Variants in ABI3BP observed in about 807,000 individuals in gnomAD.
The protein encoded by ABI3BP is ABI family member 3 binding protein, also known as target of Nesh-SH3.
Under a neutral mutation model 268.6 loss-of-function variants are expected in ABI3BP, and 216 were observed. That is an observed-to-expected ratio of 0.80 (90% confidence interval 0.72 to 0.90). ABI3BP has a LOEUF of 0.90. ABI3BP is among the 40% of genes least tolerant of loss of function. ABI3BP has a pLI of 0.00. For missense variants in ABI3BP, 2,090 were observed against 2,182.4 expected, an observed-to-expected ratio of 0.96 and a Z score of 0.84; for synonymous variants, 730 against 730.0, an observed-to-expected ratio of 1.00 and a Z score of 0.00.
At chr3:100,825,945 A>G in intron 34 of ABI3BP, 101 bp from the exon 35 acceptor site, 3 of 856,316 alleles carry the variant, frequency 3.5e-6, no homozygotes, top group Non-Finnish European at 5.6e-6. Flanking sequence ...CCTCTAGGAT[A>G]ATTAAACATT....
chr3:100,907,386 C>A (rs1207534912), intron 2 of ABI3BP, among the ~76,000 whole-genome samples: 1 of 152,110 alleles, frequency 6.6e-6, no homozygotes, highest in African/African-American at 2.4e-5. Flanking sequence ...CCCAGCTACT[C>A]AGGAGGCTGA....
At chr3:100,823,541 G>C in intron 36 of ABI3BP, 27 bp from the exon 37 acceptor site, 1 of 1,511,330 alleles carries the variant, frequency 6.6e-7, no homozygotes, top group Non-Finnish European at 8.8e-7. Context: ...GTAAATCAAA[G>C]AGATTTTTAA....
chr3:100,911,080 GT>G, intron 2 of ABI3BP: 1 of 264,260 alleles, frequency 3.8e-6, no homozygotes, highest in South Asian at 5.3e-5. Flanking sequence ...ATCAGTATCT[GT>G]TTTACATGGT....
intron 9 of ABI3BP, among the ~76,000 whole-genome samples, chr3:100,871,133 T>C (rs1259418177): frequency 2.6e-5 from 4 of 151,928 alleles, no homozygotes; most frequent in Non-Finnish European, 4.4e-5. Context: ...ATAATTATAA[T>C]ATTGTATATT....
chr3:100,884,176 G>A (rs1219077206), intron 6 of ABI3BP, among the ~76,000 whole-genome samples: 3 of 151,704 alleles, frequency 2.0e-5, no homozygotes, highest in Admixed American at 2.0e-4. Flanking sequence ...CCTTGTTAAT[G>A]CTTCTTTTCC....
At chr3:100,791,333 A>G (rs1403670470) in intron 55 of ABI3BP, among the ~76,000 whole-genome samples, 1 of 151,892 alleles carries the variant, frequency 6.6e-6, no homozygotes, top group African/African-American at 2.4e-5. Context: ...TTTTATCCTC[A>G]TTCTGAAATC....
chr3:100,831,521 T>C (rs891719442), intron 31 of ABI3BP, among the ~76,000 whole-genome samples: 2 of 152,114 alleles, frequency 1.3e-5, no homozygotes, highest in African/African-American at 2.4e-5. Flanking sequence ...TCTTCAGTTC[T>C]AAGAACAGAA....
chr3:100,761,082 T>C (rs1002830016), intron 63 of ABI3BP, among the ~76,000 whole-genome samples: 9 of 152,126 alleles, frequency 5.9e-5, no homozygotes, highest in African/African-American at 1.9e-4. Context: ...TTTATGTCCA[T>C]GTGTTCTCCT....
At chr3:100,887,252 T>C (rs1205298037) in intron 4 of ABI3BP, among the ~76,000 whole-genome samples, 1 of 152,046 alleles carries the variant, frequency 6.6e-6, no homozygotes, top group Non-Finnish European at 1.5e-5. Flanking sequence ...TACTACTATA[T>C]ACAGTAATGA....
chr3:100,922,396 C>A (rs1159156925), intron 2 of ABI3BP, among the ~76,000 whole-genome samples: 1 of 152,122 alleles, frequency 6.6e-6, no homozygotes, highest in African/African-American at 2.4e-5. Context: ...GGTGGAATTA[C>A]AATTGCTAAT....
At chr3:100,828,533 C>T (rs182550645) in intron 33 of ABI3BP, 81 bp from the exon 34 acceptor site, 31 of 1,308,024 alleles carry the variant, frequency 2.4e-5, no homozygotes, top group Middle Eastern at 1.9e-4. Context: ...AAGAATTTTA[C>T]GAGGTCATGA....
chr3:100,769,840 G>A (rs959115208), intron 62 of ABI3BP, among the ~76,000 whole-genome samples: 6 of 152,344 alleles, frequency 3.9e-5, no homozygotes, highest in South Asian at 2.1e-4. Context: ...CTCACAAAAC[G>A]TGGTAAAGAA....
intron 1 of ABI3BP, among the ~76,000 whole-genome samples, chr3:100,970,910 C>A (rs909241238): frequency 2.6e-5 from 4 of 152,140 alleles, no homozygotes; most frequent in African/African-American, 9.7e-5. Context: ...GTCTTCACAG[C>A]GGCCCATGTC....
chr3:100,925,904 A>C (rs2061662088), intron 2 of ABI3BP, among the ~76,000 whole-genome samples: 1 of 152,108 alleles, frequency 6.6e-6, no homozygotes, highest in Admixed American at 6.6e-5. Flanking sequence ...TAAAAATATA[A>C]TACTTTTTTT....
At position 100,841,194 on chromosome 3, in the gene ABI3BP, CTTTTTTTTTTTTTTTTT is replaced by C. The variant is rs60261694; in HGVS notation, c.1766-353_1766-337del. On this transcript the variant is annotated intron_variant, in intron 21 of 67. Coordinates refer to ENST00000471714, the MANE Select transcript of ABI3BP (RefSeq NM_001375547.2). Reference sequence around the variant, plus strand: ...AATTGGCTAAGATGGCATTAGAACACTTTTTTTTTTTTTTTTTTTTTTTTTTTTTTTTTGCTCTTTTG... The same window carrying C: ...AATTGGCTAAGATGGCATTAGAACACTTTTTTTTTTTTTTTTGCTCTTTTG... Among the ~76,000 whole-genome samples, 238 of 39,652 alleles carry C rather than the reference CTTTTTTTTTTTTTTTTT, an allele frequency of 6.0e-3. 3 individuals carry two copies. Among genetic ancestry groups the C allele is most frequent in the African/African-American group, 0.023 (217 of 9,296 alleles). 26.0% of individuals were successfully genotyped at this position (39,652 alleles called of 152,430 possible).
At chr3:100,927,912 T>A (rs2062337492) in intron 1 of ABI3BP, among the ~76,000 whole-genome samples, 1 of 151,876 alleles carries the variant, frequency 6.6e-6, no homozygotes, top group Non-Finnish European at 1.5e-5. Context: ...TTAGCCATGA[T>A]TCAGAAATCA....
rs1576918499 is a variant in ABI3BP at position 100,764,911 on chromosome 3, G to A, written c.4850+930C>T. On this transcript the variant is annotated intron_variant, in intron 63 of 67. Coordinates refer to ENST00000471714, the MANE Select transcript of ABI3BP (RefSeq NM_001375547.2). ...AACTTTAAAGAAAAACCCCATGCTT[G>A]TGAAAGAAGTATTGTTTTTGCAGTA... is the stretch of plus-strand genomic sequence containing the variant. Among the ~76,000 whole-genome samples the A allele has an allele frequency of 2.0e-5, 3 of 152,290 alleles. 1 individual carries two copies.
rs1303842450 is a variant in ABI3BP at position 100,789,438 on chromosome 3, C to T, written c.4087+16G>A. 1 of 1,592,534 alleles carries T rather than the reference C, an allele frequency of 6.3e-7. No individual in the cohort carries two copies. Among genetic ancestry groups the T allele is most frequent in the Non-Finnish European group, 8.6e-7 (1 of 1,168,456 alleles). ...CCTGCCTGCTGATTATTTAAGTCATCAGAGAAACAACTTACCAGGTCTGAT... is the reference window on the plus strand; with the variant it reads ...CCTGCCTGCTGATTATTTAAGTCATTAGAGAAACAACTTACCAGGTCTGAT... On this transcript the variant is annotated intron_variant, in intron 56 of 67. Coordinates refer to ENST00000471714, the MANE Select transcript of ABI3BP (RefSeq NM_001375547.2).
chr3:100,788,247 G>A (rs1324138130), intron 56 of ABI3BP, among the ~76,000 whole-genome samples: 1 of 152,110 alleles, frequency 6.6e-6, no homozygotes, highest in Non-Finnish European at 1.5e-5. Context: ...AGGTACAGAG[G>A]TTTCATTATA....
Sources: gnomAD v4.1 joint callset for allele counts (sites outside exome capture counted in the v4.1 genomes callset) on GRCh38, gnomAD v4.1.1 for gene constraint, MANE v1.5 for transcripts, NCBI Gene and HGNC (gene_info 2026-07-23, HGNC 2026-07-21) for gene names.